The following WDR70 variants were observed in gnomAD, a reference collection of about 807,000 sequenced individuals.
The protein encoded by WDR70 is WD repeat domain 70, also known as WD repeat-containing protein 70.
WDR70 carries 53 observed loss-of-function variants against 88.6 expected under a neutral mutation model. The ratio of observed to expected loss-of-function variants is 0.60; its 90% confidence interval spans 0.48 to 0.75. The LOEUF (loss-of-function observed/expected upper bound fraction) is 0.75, where lower values mean the gene tolerates loss of function less well. Among genes scored for constraint, WDR70 ranks in the 30% least tolerant of loss-of-function variants. The pLI, the probability that WDR70 is intolerant of heterozygous loss-of-function variation, is 0.00. For missense variants in WDR70, 610 were observed against 823.2 expected (o/e 0.74, Z 3.17); for synonymous variants, 280 against 270.0 (o/e 1.04, Z -0.36).
intron 2 of WDR70, 32 bp downstream of exon 2, chr5:37,379,586 C>A: frequency 6.2e-7 from 1 of 1,612,320 alleles, no homozygotes; most frequent in Non-Finnish European, 8.5e-7. Context: ...AGACCCTCTT[C>A]CTTGTGCAGA....
chr5:37,471,711 C>A (rs1381641990), intron 7 of WDR70, among the ~76,000 whole-genome samples: 1 of 151,444 alleles, frequency 6.6e-6, no homozygotes, highest in Non-Finnish European at 1.5e-5. Context: ...ATTTTATCTT[C>A]CAGAAGTTTA....
chr5:37,427,215 C>T (rs1198901051), intron 5 of WDR70, among the ~76,000 whole-genome samples: 1 of 151,966 alleles, frequency 6.6e-6, no homozygotes, highest in Non-Finnish European at 1.5e-5. Context: ...CGGTGAAACC[C>T]CGTCTCTACT....
chr5:37,726,417 C>CAG lies in WDR70; in HGVS notation c.1715-465_1715-464dup, dbSNP rs1747971193. Among the ~76,000 whole-genome samples, 5 of 152,256 alleles carry CAG rather than the reference C, an allele frequency of 3.3e-5. No individual in the cohort carries two copies. The South Asian group carries it at 1.0e-3, about 32-fold the overall frequency. On this transcript the variant is annotated intron_variant, in intron 16 of 17. Coordinates refer to ENST00000265107, the MANE Select transcript of WDR70 (RefSeq NM_018034.4). The stretch of plus-strand genomic sequence containing the variant: ...CCTATTTCATAGGGAGATTATAGTA[C>CAG]AGCAGAGCAACATGAATCAGTATGT...
intron 10 of WDR70, among the ~76,000 whole-genome samples, chr5:37,691,903 C>T (rs1159931074): frequency 6.6e-6 from 1 of 152,044 alleles, no homozygotes; most frequent in Non-Finnish European, 1.5e-5. Flanking sequence ...TTCAAAAACA[C>T]AATGAATCCA....
chr5:37,690,716 A>G (rs1746766118), intron 10 of WDR70, among the ~76,000 whole-genome samples: 1 of 152,204 alleles, frequency 6.6e-6, no homozygotes, highest in Non-Finnish European at 1.5e-5. Flanking sequence ...GAAGTACTAA[A>G]CATGAAAAGA....
intron 17 of WDR70, among the ~76,000 whole-genome samples, chr5:37,745,604 C>CAA (rs60456578): frequency 1.5e-3 from 209 of 142,274 alleles, no homozygotes; most frequent in African/African-American, 4.9e-3. Flanking sequence ...AAATGGAAAG[C>CAA]AAAAAAAAAA....
intron 5 of WDR70, among the ~76,000 whole-genome samples, chr5:37,396,893 G>A (rs1307292855): frequency 6.6e-6 from 1 of 152,040 alleles, no homozygotes; most frequent in Non-Finnish European, 1.5e-5. Context: ...CCGTAATCCC[G>A]GCACTTTGGG....
rs35565451 is a variant in WDR70 at position 37,402,293 on chromosome 5, T to TTG, written c.492+5757_492+5758dup. Among the ~76,000 whole-genome samples, 181 of 24,514 alleles carry TTG rather than the reference T, an allele frequency of 7.4e-3. 1 individual carries two copies. Among genetic ancestry groups the TTG allele is most frequent in the African/African-American group, 0.024 (167 of 6,818 alleles). 16.1% of individuals were successfully genotyped at this position (24,514 alleles called of 152,430 possible). A position where few individuals can be genotyped will look rare whatever the true frequency, so the allele number is the denominator to read the frequency against. On this transcript the variant is annotated intron_variant, in intron 5 of 17. Transcript: ENST00000265107. ...CTTTCTAAATTTAGCCAGATAGTATTTGTGTGTGTGTGTGTGTGTGTGTGT... is the reference window on the plus strand; with the variant it reads ...CTTTCTAAATTTAGCCAGATAGTATTTGTGTGTGTGTGTGTGTGTGTGTGTGT...
chr5:37,388,158 C>A (rs1430965460), intron 3 of WDR70, among the ~76,000 whole-genome samples: 1 of 151,860 alleles, frequency 6.6e-6, no homozygotes, highest in Non-Finnish European at 1.5e-5. Flanking sequence ...CTCTCTCTGT[C>A]GCCCAGGCTA....
intron 13 of WDR70, among the ~76,000 whole-genome samples, chr5:37,707,911 C>A (rs1747375994): frequency 2.4e-5 from 1 of 41,864 alleles, no homozygotes. Flanking sequence ...GAGACTCTGT[C>A]TCAAAAAAAG....
intron 10 of WDR70, among the ~76,000 whole-genome samples, chr5:37,640,269 T>C (rs1406060060): frequency 6.6e-6 from 1 of 152,206 alleles, no homozygotes; most frequent in African/African-American, 2.4e-5. Context: ...GTTCCACATA[T>C]CTAACACTGA....
intron 8 of WDR70, among the ~76,000 whole-genome samples, chr5:37,501,946 A>C (rs1355077354): frequency 6.6e-6 from 1 of 152,026 alleles, no homozygotes; most frequent in Admixed American, 6.6e-5. Context: ...GTTCCATATG[A>C]ATTTTAGGAT....
intron 16 of WDR70, 75 bp from the exon 17 acceptor site, chr5:37,726,808 A>G: frequency 7.1e-7 from 1 of 1,403,016 alleles, no homozygotes; most frequent in Non-Finnish European, 9.5e-7. Context: ...TCAGATAAGT[A>G]CAGTGTACAC....
At chr5:37,601,097 G>C (rs576120347) in intron 9 of WDR70, among the ~76,000 whole-genome samples, 8 of 152,228 alleles carry the variant, frequency 5.3e-5, no homozygotes, top group African/African-American at 1.9e-4. Context: ...TCCTTTTCTT[G>C]ATCTTGGTTT....
intron 16 of WDR70, among the ~76,000 whole-genome samples, chr5:37,726,341 A>T (rs925356746): frequency 1.3e-5 from 2 of 152,162 alleles, no homozygotes; most frequent in African/African-American, 2.4e-5. Context: ...CAGTCACTAT[A>T]CTAGCTGCTA....
intron 8 of WDR70, among the ~76,000 whole-genome samples, chr5:37,513,818 A>G (rs2112249436): frequency 6.6e-6 from 1 of 152,212 alleles, no homozygotes; most frequent in East Asian, 1.9e-4. Flanking sequence ...GCCCACCCAG[A>G]GTAAGGGTGG....
chr5:37,595,174 T>C (rs1743665163), intron 9 of WDR70, among the ~76,000 whole-genome samples: 2 of 151,664 alleles, frequency 1.3e-5, no homozygotes, highest in South Asian at 2.1e-4. Context: ...CTTCCAACAC[T>C]ATGTTGAATA....
At chr5:37,514,336 C>CTATATATATATATA in intron 8 of WDR70, among the ~76,000 whole-genome samples, 1 of 10,942 alleles carries the variant, frequency 9.1e-5, no homozygotes, top group Non-Finnish European at 1.0e-3. Context: ...ATATTTAGAA[C>CTATATATATATATA]TACATATATA....
In WDR70 at chr5:37,414,085, C is replaced by T. The variant is rs946954971; in HGVS notation, c.492+17515C>T. Among the ~76,000 whole-genome samples the T allele has an allele frequency of 6.4e-5, 9 of 139,810 alleles. No individual in the cohort carries two copies. In the East Asian group the frequency reaches 7.0e-4, roughly 11 times the overall value. The allele number at this position is 139,810 out of a possible 152,430, so 91.7% of individuals were successfully genotyped here. On this transcript the variant is annotated intron_variant, in intron 5 of 17. Transcript: ENST00000265107. Reference sequence around the variant, plus strand: ...GCTTGAACTCAGGAGGCGGAGGTTGCGGTGAGCCTTGATTGCGCATTGCAC... The same window carrying T: ...GCTTGAACTCAGGAGGCGGAGGTTGTGGTGAGCCTTGATTGCGCATTGCAC...
Sources: gnomAD v4.1 joint callset for allele counts (sites outside exome capture counted in the v4.1 genomes callset) on GRCh38, gnomAD v4.1.1 for gene constraint, MANE v1.5 for transcripts, NCBI Gene and HGNC (gene_info 2026-07-23, HGNC 2026-07-21) for gene names.